Variants in HNF1B observed in about 807,000 individuals in gnomAD.
HNF1B encodes HNF1 homeobox B.
Under a neutral mutation model 61.7 loss-of-function variants are expected in HNF1B, and 8 were observed. That is an observed-to-expected ratio of 0.13 (90% CI 0.08 to 0.23). The LOEUF (loss-of-function observed/expected upper bound fraction) is 0.23, where lower values mean the gene tolerates loss of function less well. Among genes scored for constraint, HNF1B ranks in the 10% least tolerant of loss-of-function variants. The probability of loss-of-function intolerance (pLI) is 1.00; values close to 1 mark genes in which losing one functional copy is unlikely to be tolerated. For missense variants in HNF1B, 562 were observed against 714.5 expected (o/e 0.79, Z 2.43); for synonymous variants, 314 against 287.7 (o/e 1.09, Z -0.93).
At chr17:37,739,937 CTT>C (rs909145727) in intron 1 of HNF1B, among the ~76,000 whole-genome samples, 44 of 151,980 alleles carry the variant, frequency 2.9e-4, no homozygotes, top group Admixed American at 2.6e-3. Flanking sequence ...AAGAAAAGCT[CTT>C]GTTTTATTTA....
chr17:37,737,699 G>C (rs559921889), intron 2 of HNF1B, among the ~76,000 whole-genome samples: 1 of 151,872 alleles, frequency 6.6e-6, no homozygotes, highest in East Asian at 1.9e-4. Context: ...GCCAGGTGTG[G>C]TGGCGGGCAC....
intron 4 of HNF1B, among the ~76,000 whole-genome samples, chr17:37,728,220 T>C (rs1178559725): frequency 6.6e-6 from 1 of 151,790 alleles, no homozygotes; most frequent in Non-Finnish European, 1.5e-5. Flanking sequence ...CAGGCTGGTC[T>C]CAAACTCCTG....
intron 4 of HNF1B, chr17:37,731,099 C>T (rs1362391266): frequency 9.7e-6 from 2 of 205,344 alleles, no homozygotes; most frequent in Non-Finnish European, 2.0e-5. Context: ...CAAGCAGAGG[C>T]CACCAACAGA....
chr17:37,727,170 C>T (rs1248763381), intron 4 of HNF1B, among the ~76,000 whole-genome samples: 1 of 152,202 alleles, frequency 6.6e-6, no homozygotes, highest in Admixed American at 6.5e-5. Flanking sequence ...CTCCTTGCTG[C>T]CGCCCTGCCC....
intron 1 of HNF1B, 129 bp from the exon 2 acceptor site, chr17:37,739,768 G>T: frequency 1.1e-6 from 1 of 909,410 alleles, no homozygotes. Context: ...CTACAACTTT[G>T]GGGTAGACAT....
chr17:37,733,473 T>C, intron 3 of HNF1B, 84 bp downstream of exon 3: 2 of 1,465,666 alleles, frequency 1.4e-6, no homozygotes, highest in Non-Finnish European at 1.9e-6. Context: ...GTATAACTAG[T>C]GTCTCAATAT....
chr17:37,690,003 GCACACACACA>G (rs5820231), intron 8 of HNF1B, among the ~76,000 whole-genome samples: 5,935 of 148,716 alleles, frequency 0.04, 154 homozygotes, highest in Non-Finnish European at 0.059. Context: ...ACAAATGCGT[GCACACACACA>G]CACACACACA....
intron 4 of HNF1B, chr17:37,720,680 T>C: frequency 1.9e-6 from 1 of 520,720 alleles, no homozygotes; most frequent in Non-Finnish European, 2.5e-6. Flanking sequence ...ATGGAGTGTC[T>C]ACCATGTGCC....
Position 37,744,628 on chromosome 17 carries a change from T to C in HNF1B, c.257A>G (p.Tyr86Cys). The change falls in exon 1 of 9, where the codon TAT (tyrosine) becomes TGT (cysteine). Residue 86 changes from tyrosine (Y) to cysteine (C), a missense_variant. By Grantham distance (194) the Tyr-to-Cys change is radical. This residue lies in a region of HNF1B where 148 missense variants were observed against 147.3 expected (regional missense o/e 1.00). Transcript: ENST00000617811. ...CTCCTTGAGGATGGGAGGTGTGTCA[T>C]AGTCGTCGCCGTCCTCGGAGCCCTC... is the stretch of plus-strand genomic sequence containing the variant. The part of the protein sequence containing the change: ...GDEGSEDGDD[Y>C]DTPPILKELQ... 2 of 1,611,542 alleles carry C rather than the reference T, an allele frequency of 1.2e-6. No individual in the cohort carries two copies. The highest frequency in any genetic ancestry group is 1.1e-5 in the South Asian group (1 of 91,080).
intron 8 of HNF1B, among the ~76,000 whole-genome samples, chr17:37,691,275 T>G (rs1184481436): frequency 6.6e-6 from 1 of 152,136 alleles, no homozygotes; most frequent in Non-Finnish European, 1.5e-5. Flanking sequence ...GACAGATAAG[T>G]CACTTCTATG....
chr17:37,686,672 C>T lies in HNF1B; in HGVS notation c.*700G>A, dbSNP rs2031979620. The stretch of plus-strand genomic sequence containing the variant: ...GTAGTCAGTCCAAGGTATGCTGTCC[C>T]CATAAGTGTCCAGGCCCGCGGGAGA... On this transcript the variant is annotated 3_prime_UTR_variant, in exon 9 of 9. Transcript: ENST00000617811. 1 of 165,038 alleles carries T rather than the reference C, an allele frequency of 6.1e-6. No individual in the cohort carries two copies. The highest frequency in any genetic ancestry group is 1.3e-5 in the Non-Finnish European group (1 of 74,206). 10.2% of individuals were successfully genotyped at this position (165,038 alleles called of 1,614,324 possible).
At chr17:37,721,304 GA>G (rs2033305718) in intron 4 of HNF1B, among the ~76,000 whole-genome samples, 2 of 152,324 alleles carry the variant, frequency 1.3e-5, no homozygotes, top group South Asian at 2.1e-4. Context: ...CACAGTTCCT[GA>G]AACGGGGAAG....
chr17:37,721,927 T>C (rs2033332054), intron 4 of HNF1B, among the ~76,000 whole-genome samples: 1 of 152,148 alleles, frequency 6.6e-6, no homozygotes, highest in South Asian at 2.1e-4. Flanking sequence ...CCTGCTACCT[T>C]AGCCTCACAA....
intron 8 of HNF1B, among the ~76,000 whole-genome samples, chr17:37,697,315 T>C (rs2032418482): frequency 6.6e-6 from 1 of 152,190 alleles, no homozygotes; most frequent in African/African-American, 2.4e-5. Context: ...ATTGCCAGAC[T>C]CCTGAAATGT....
rs866974139 is a variant in HNF1B at position 37,701,143 on chromosome 17, G to A, written c.1374C>T (p.Val458=). 1 of 1,551,888 alleles carries A rather than the reference G, an allele frequency of 6.4e-7. No individual in the cohort carries two copies. Among genetic ancestry groups the A allele is most frequent in the Non-Finnish European group, 8.7e-7 (1 of 1,147,472 alleles). ...CCAGGCTGCCGGCCACACTGTTGAT[G>A]ACAGGGACACTCTGTGCTTGGGAGG... ...LNTSQAQSVP[V]INSVAGSLAA... Residue 458 remains valine, a synonymous_variant, in exon 7 of 9, where the codon GTC becomes GTT. Transcript: ENST00000617811.
chr17:37,743,292 A>T (rs1346835923), intron 1 of HNF1B, among the ~76,000 whole-genome samples: 1 of 152,170 alleles, frequency 6.6e-6, no homozygotes, highest in African/African-American at 2.4e-5. Context: ...GACCCCTCTT[A>T]GCCTCCGCGA....
intron 3 of HNF1B, among the ~76,000 whole-genome samples, chr17:37,732,171 T>C (rs1598841524): frequency 1.3e-5 from 2 of 152,296 alleles, no homozygotes; most frequent in African/African-American, 4.8e-5. Context: ...TTAGCCATTC[T>C]TCCCACCACA....
At chr17:37,728,608 T>C (rs2033587422) in intron 4 of HNF1B, 1 of 149,492 alleles carries the variant, frequency 6.7e-6, no homozygotes, top group Non-Finnish European at 1.5e-5. Context: ...ACCCGGCCTT[T>C]TTTTTTTTTT....
intron 8 of HNF1B, among the ~76,000 whole-genome samples, chr17:37,692,315 C>T (rs1192982978): frequency 6.6e-6 from 1 of 152,182 alleles, no homozygotes; most frequent in Non-Finnish European, 1.5e-5. Context: ...CCTGCATAAC[C>T]TTGGGTTGTT....
Sources: allele counts gnomAD v4.1 joint callset (sites outside exome capture counted in the v4.1 genomes callset), GRCh38; gene constraint gnomAD v4.1.1; regional missense constraint gnomAD v4.1.1; transcripts MANE v1.5; gene names NCBI Gene and HGNC (gene_info 2026-07-23, HGNC 2026-07-21).